Variants in BST2 observed in about 807,000 individuals in gnomAD.
BST2 encodes the protein bone marrow stromal cell antigen 2.
BST2 carries 10 observed loss-of-function variants against 18.6 expected under a neutral mutation model. That is an observed-to-expected ratio of 0.54 (90% CI 0.33 to 0.91). The LOEUF (loss-of-function observed/expected upper bound fraction) is 0.91. Ranked by LOEUF, BST2 falls within the 40% of genes least tolerant of loss-of-function variation. The pLI is 0.02. For synonymous variants in BST2, 75 were observed against 96.8 expected, an observed-to-expected ratio of 0.77 and a Z score of 1.32; for missense variants, 183 against 228.4, an observed-to-expected ratio of 0.80 and a Z score of 1.28.
intron 4 of BST2, among the ~76,000 whole-genome samples, 174 bp downstream of exon 4, chr19:17,403,506 T>C (rs919266): frequency 0.96 from 140,487 of 146,596 alleles, 67,567 homozygotes; most frequent in Middle Eastern, 0.99. Flanking sequence ...TATCAGCCCG[T>C]CCCCGATCCA....
rs1451353029 is a variant in BST2, at chr19:17,403,900, G to A, written c.414-76C>T. On this transcript the variant is annotated intron_variant, in intron 3 of 4. Transcript: ENST00000252593. Reference sequence around the variant, plus strand: ...CCTCCCTGTAAGCCCACCGCCCCCGGGAGTTCCCCCCGCACCGCCCCAATC... The same window carrying A: ...CCTCCCTGTAAGCCCACCGCCCCCGAGAGTTCCCCCCGCACCGCCCCAATC... The A allele has an allele frequency of 3.2e-6, 5 of 1,553,362 alleles. No homozygotes were observed. The Admixed American group carries it at 7.1e-5, about 22-fold the overall frequency.
chr19:17,403,903 G>GT (rs2074710629), intron 3 of BST2, 79 bp from the exon 4 acceptor site: 4 of 1,542,158 alleles, frequency 2.6e-6, no homozygotes, highest in Non-Finnish European at 3.5e-6. Flanking sequence ...GCCCCCGGGA[G>GT]TTCCCCCCGC....
chr19:17,404,068 G>C (rs1411489689), intron 3 of BST2, 61 bp downstream of exon 3: 1 of 1,506,692 alleles, frequency 6.6e-7, no homozygotes, highest in Non-Finnish European at 9.0e-7. Context: ...TCTTGGGCTA[G>C]GGATGTGGGG....
Position 17,404,113 on chromosome 19 carries a change from G to T in BST2, c.413+16C>A. On this transcript the variant is annotated intron_variant, in intron 3 of 4. Transcript: ENST00000252593. ...ATGTGGCAGGTGGAGGGTAGCGGGGGAAGGCTATCTCTGACCTCAGTCGCT... is the reference window on the plus strand; with the variant it reads ...ATGTGGCAGGTGGAGGGTAGCGGGGTAAGGCTATCTCTGACCTCAGTCGCT... 2 of 1,575,306 alleles carry T rather than the reference G, an allele frequency of 1.3e-6. No individual in the cohort carries two copies. Among genetic ancestry groups the T allele is most frequent in the Non-Finnish European group, 8.6e-7 (1 of 1,160,840 alleles).
At position 17,404,360 on chromosome 19, in the gene BST2, C is replaced by G. The variant is rs1198691411; in HGVS notation, c.352+11G>C. The G allele has an allele frequency of 6.3e-7, 1 of 1,599,030 alleles. No homozygotes were observed. The highest frequency in any genetic ancestry group is 1.1e-5 in the South Asian group (1 of 90,764). On this transcript the variant is annotated intron_variant, in intron 2 of 4. Coordinates refer to ENST00000252593, the MANE Select transcript of BST2 (RefSeq NM_004335.4). The stretch of plus-strand genomic sequence containing the variant: ...ACCCCTCCCCGGCCCTCTCCCTTCT[C>G]CCTTTCTCACCCTCAAGCTCCTCCA...
intron 3 of BST2, 115 bp downstream of exon 3, chr19:17,404,014 T>A: frequency 7.3e-7 from 1 of 1,368,746 alleles, no homozygotes; most frequent in Admixed American, 2.0e-5. Flanking sequence ...TCAAACTTTA[T>A]CCCTTGGGGC....
Position 17,403,635 on chromosome 19 carries a change from C to A in BST2, c.*15+45G>T, listed in dbSNP as rs1350448406. On this transcript the variant is annotated intron_variant, in intron 4 of 4. Transcript: ENST00000252593. ...GAGCCTCTGCTTCCCCGCCCCGCTT[C>A]CCCAGCTTTCTTCTCCCTCCCGGGG... is the stretch of plus-strand genomic sequence containing the variant. 12 of 1,571,016 alleles carry A rather than the reference C, an allele frequency of 7.6e-6. No individual in the cohort carries two copies. The African/African-American group carries it at 1.2e-4, about 16-fold the overall frequency.
intron 1 of BST2, among the ~76,000 whole-genome samples, chr19:17,404,923 C>T (rs946868478): frequency 5.3e-5 from 8 of 152,168 alleles, no homozygotes; most frequent in Admixed American, 2.0e-4. Context: ...TGAGGTCCCC[C>T]TTCAACCCTG....
chr19:17,405,422 C>A lies in BST2; in HGVS notation c.154G>T (p.Ala52Ser), dbSNP rs764733604. Residue 52 changes from alanine to serine, a missense_variant, in exon 1 of 5, where the codon GCC becomes TCC. Physicochemically the swap from Ala to Ser is moderately conservative, Grantham distance 99. Coordinates refer to ENST00000252593, the MANE Select transcript of BST2 (RefSeq NM_004335.4). ...IIFTIKANSE[A>S]CRDGLRAVME... The stretch of plus-strand genomic sequence containing the variant: ...ACTGCCCGAAGGCCGTCCCGGCAGG[C>A]CTCGCTGTTGGCCTTGATGGTGAAG... The A allele has an allele frequency of 1.9e-6, 3 of 1,614,136 alleles. No individual in the cohort carries two copies. Among genetic ancestry groups the A allele is most frequent in the African/African-American group, 1.3e-5 (1 of 74,948 alleles).
rs770590025 is a variant in BST2, at chr19:17,403,834, A to C, written c.414-10T>G. ...GACCTGGTTTTCTCTTCTGCGGTAC[A>C]GATGGCAAATCAGGCATCTGCTCGT... On this transcript the variant is annotated splice_polypyrimidine_tract_variant and intron_variant, in intron 3 of 4. Coordinates refer to ENST00000252593, the MANE Select transcript of BST2 (RefSeq NM_004335.4). The C allele has an allele frequency of 2.8e-6, 4 of 1,435,490 alleles. No homozygotes were observed. The South Asian group carries it at 4.8e-5, about 17-fold the overall frequency. The allele number at this position is 1,435,490 out of a possible 1,614,324, so 88.9% of individuals were successfully genotyped here.
intron 4 of BST2, 67 bp downstream of exon 4, chr19:17,403,613 C>T: frequency 6.4e-7 from 1 of 1,557,590 alleles, no homozygotes; most frequent in South Asian, 1.2e-5. Context: ...GACTTCGGAG[C>T]CTCTGCTTCC....
rs1462996834 is a variant in BST2 at position 17,403,092 on chromosome 19, G to C, written c.*250C>G. On this transcript the variant is annotated 3_prime_UTR_variant, in exon 5 of 5. Transcript: ENST00000252593. ...CCCAATCTCAGGGTGGGAGACAAGA[G>C]GGGGGACTCATTGTCCGGAGGGAGG... 22 of 985,120 alleles carry C rather than the reference G, an allele frequency of 2.2e-5. No homozygotes were observed. The highest frequency in any genetic ancestry group is 2.7e-5 in the Non-Finnish European group (22 of 830,034). The allele number at this position is 985,120 out of a possible 1,614,324, so 61.0% of individuals were successfully genotyped here. A position where few individuals can be genotyped will look rare whatever the true frequency, so the allele number is the denominator to read the frequency against.
chr19:17,403,907 C>T (rs550965144), intron 3 of BST2, 83 bp from the exon 4 acceptor site: 131 of 1,528,232 alleles, frequency 8.6e-5, no homozygotes, highest in South Asian at 2.9e-4. Flanking sequence ...CCGGGAGTTC[C>T]CCCCGCACCG....
At chr19:17,404,621 C>G (rs2074715485) in intron 1 of BST2, 184 bp from the exon 2 acceptor site, 1 of 808,180 alleles carries the variant, frequency 1.2e-6, no homozygotes, top group East Asian at 2.7e-5. Context: ...ACACACTCTC[C>G]CAGGGCCACC....
intron 4 of BST2, among the ~76,000 whole-genome samples, 165 bp from the exon 5 acceptor site, chr19:17,403,491 A>G (rs1215514297): frequency 1.8e-5 from 2 of 111,402 alleles, no homozygotes; most frequent in East Asian, 5.1e-4. Flanking sequence ...CCCGCCCCAT[A>G]CAGCTATCAG....
In BST2 at chr19:17,403,027, T is replaced by C; in HGVS notation, c.*315A>G. 2 of 978,604 alleles carry C rather than the reference T, an allele frequency of 2.0e-6. No individual in the cohort carries two copies. The highest frequency in any genetic ancestry group is 2.4e-6 in the Non-Finnish European group (2 of 827,804). The allele number at this position is 978,604 out of a possible 1,614,324, so 60.6% of individuals were successfully genotyped here. Reference sequence around the variant, plus strand: ...CAACCCCCCCCGCAAAAAAAACCCATAACAACAGGCAGCACATGCCCCCCA... The same window carrying C: ...CAACCCCCCCCGCAAAAAAAACCCACAACAACAGGCAGCACATGCCCCCCA... On this transcript the variant is annotated 3_prime_UTR_variant, in exon 5 of 5. Coordinates refer to ENST00000252593, the MANE Select transcript of BST2 (RefSeq NM_004335.4).
intron 1 of BST2, chr19:17,404,658 G>C: frequency 1.7e-6 from 1 of 573,792 alleles, no homozygotes; most frequent in Non-Finnish European, 3.0e-6. Flanking sequence ...CTCAAAATGG[G>C]AGTTTTGAGG....
In BST2 at chr19:17,404,381, C is replaced by T. The variant is rs369536478; in HGVS notation, c.342G>A (p.Glu114=). 1.2e-6 allele frequency: 2 copies of T among 1,612,412 alleles called. No individual in the cohort carries two copies. Among genetic ancestry groups the T allele is most frequent in the Non-Finnish European group, 1.7e-6 (2 of 1,178,692 alleles). The change falls in exon 2 of 5, where the codon GAG becomes GAA. Residue 114 remains glutamate, a synonymous_variant. Coordinates refer to ENST00000252593, the MANE Select transcript of BST2 (RefSeq NM_004335.4). ...TTCTCCCTTTCTCACCCTCAAGCTC[C>T]TCCACTTTCTTTTGTCCTTGGGCCT... The part of the protein sequence containing the change: ...AEKAQGQKKV[E]ELEGEITTLN...
Position 17,405,593 on chromosome 19 carries a change from A to AAAGGG in BST2, c.-19_-18insCCCTT, listed in dbSNP as rs2074722523. On this transcript the variant is annotated 5_prime_UTR_variant, in exon 1 of 5. Coordinates refer to ENST00000252593, the MANE Select transcript of BST2 (RefSeq NM_004335.4). Reference sequence around the variant, plus strand: ...GATGCCATCCAGATCTCCCCTTTAGAGTCTGGCCTGGAGTTAGGGGAGGGT... The same window carrying AAAGGG: ...GATGCCATCCAGATCTCCCCTTTAGAAAGGGGTCTGGCCTGGAGTTAGGGGAGGGT... 1 of 155,162 alleles carries AAAGGG rather than the reference A, an allele frequency of 6.4e-6. No homozygotes were observed. Among genetic ancestry groups the AAAGGG allele is most frequent in the East Asian group, 5.1e-5 (1 of 19,702 alleles). The allele number at this position is 155,162 out of a possible 1,614,324, so 9.6% of individuals were successfully genotyped here.
Sources: gnomAD v4.1 joint callset for allele counts (sites outside exome capture counted in the v4.1 genomes callset) on GRCh38, gnomAD v4.1.1 for gene constraint, MANE v1.5 for transcripts, NCBI Gene and HGNC (gene_info 2026-07-23, HGNC 2026-07-21) for gene names.